RIDA: variants seen among roughly 807,000 people sequenced by gnomAD.
RIDA encodes 2-iminobutanoate/2-iminopropanoate deaminase.
In RIDA, 17 loss-of-function variants were observed where a neutral mutation model predicts 17.8. That is an observed-to-expected ratio of 0.96 (90% confidence interval 0.65 to 1.43). RIDA has a LOEUF of 1.43. Ranked by LOEUF, RIDA falls within the 40% of genes most tolerant of loss-of-function variation. The probability of loss-of-function intolerance (pLI) is 0.00; values close to 1 mark genes in which losing one functional copy is unlikely to be tolerated. For missense variants in RIDA, 158 were observed against 161.7 expected (o/e 0.98, Z 0.12); for synonymous variants, 48 against 55.7 (o/e 0.86, Z 0.62).
intron 5 of RIDA, among the ~76,000 whole-genome samples, chr8:98,103,562 CACAA>C (rs373636436): frequency 2.6e-3 from 398 of 152,250 alleles, no homozygotes; most frequent in African/African-American, 9.2e-3. Flanking sequence ...CTGCAGAACT[CACAA>C]ACAAACCTGG....
chr8:98,112,195 A>AACACACACACACACACACACACAC lies in RIDA; in HGVS notation c.66-3468_66-3445dup, dbSNP rs56178607. 4.2e-3 allele frequency among the ~76,000 whole-genome samples: 626 copies of AACACACACACACACACACACACAC among 148,034 alleles called. 9 individuals are homozygous for AACACACACACACACACACACACAC. Among genetic ancestry groups the AACACACACACACACACACACACAC allele is most frequent in the African/African-American group, 0.015 (585 of 39,816 alleles). ...TGTTATCATAAATAAAACTATACTA[A>AACACACACACACACACACACACAC]ACACACACACACACACACACACACA... On this transcript the variant is annotated intron_variant, in intron 1 of 5. Transcript: ENST00000254878.
At position 98,105,763 on chromosome 8, in the gene RIDA, A is replaced by C. The variant is rs541265729; in HGVS notation, c.295+175T>G. Among the ~76,000 whole-genome samples the C allele has an allele frequency of 1.9e-4, 29 of 152,266 alleles. No homozygotes were observed. In the South Asian group the frequency reaches 6.0e-3, roughly 32 times the overall value. Reference sequence around the variant, plus strand: ...GGGAATGCAATAGAAATGTCTTAGAACTTTTTCATGGGGGGTATACAACAT... The same window carrying C: ...GGGAATGCAATAGAAATGTCTTAGACCTTTTTCATGGGGGGTATACAACAT... On this transcript the variant is annotated intron_variant, in intron 4 of 5. Transcript: ENST00000254878.
chr8:98,115,979 GA>G (rs1177561003), intron 1 of RIDA, among the ~76,000 whole-genome samples: 5 of 152,102 alleles, frequency 3.3e-5, no homozygotes, highest in Non-Finnish European at 5.9e-5. Context: ...CTTGAATTAT[GA>G]AAACTTTCTC....
chr8:98,109,072 TAGTCCC>T (rs1815678108), intron 1 of RIDA, among the ~76,000 whole-genome samples: 1 of 152,038 alleles, frequency 6.6e-6, no homozygotes, highest in Non-Finnish European at 1.5e-5. Flanking sequence ...CGCACACCCG[TAGTCCC>T]AGCTACTCAG....
At chr8:98,108,556 A>G (rs1815666474) in intron 2 of RIDA, 90 bp downstream of exon 2, 1 of 827,122 alleles carries the variant, frequency 1.2e-6, no homozygotes, top group East Asian at 2.5e-5. Flanking sequence ...GTTAATCTCT[A>G]TAAAACAAAT....
chr8:98,102,983 A>G, intron 5 of RIDA, 79 bp from the exon 6 acceptor site: 1 of 911,196 alleles, frequency 1.1e-6, no homozygotes, highest in Non-Finnish European at 1.8e-6. Flanking sequence ...AAAACATGCA[A>G]CCAACAGCAA....
chr8:98,105,042 T>C (rs1335185303), intron 4 of RIDA, among the ~76,000 whole-genome samples: 1 of 148,344 alleles, frequency 6.7e-6, no homozygotes, highest in African/African-American at 2.5e-5. Context: ...AGGCTCACTA[T>C]CAGATTTGTT....
At chr8:98,114,173 C>A (rs1055792518) in intron 1 of RIDA, among the ~76,000 whole-genome samples, 1 of 118,350 alleles carries the variant, frequency 8.4e-6, no homozygotes, top group East Asian at 2.4e-4. Flanking sequence ...GGTGACACAG[C>A]GAAACACTGT....
chr8:98,114,786 T>C (rs944911295), intron 1 of RIDA, among the ~76,000 whole-genome samples: 1 of 152,122 alleles, frequency 6.6e-6, no homozygotes, highest in Non-Finnish European at 1.5e-5. Flanking sequence ...AAAACAAAAA[T>C]TCAAATCCAA....
intron 1 of RIDA, among the ~76,000 whole-genome samples, chr8:98,110,314 G>A (rs1261572886): frequency 1.3e-5 from 2 of 152,202 alleles, no homozygotes; most frequent in Admixed American, 6.5e-5. Context: ...CCAGGCTGGA[G>A]TGCAGTGGCA....
chr8:98,116,539 C>A (rs370558129), intron 1 of RIDA, among the ~76,000 whole-genome samples: 3 of 151,212 alleles, frequency 2.0e-5, no homozygotes, highest in African/African-American at 7.3e-5. Context: ...TGTCAGGGGC[C>A]GGGGGAGAGG....
intron 4 of RIDA, among the ~76,000 whole-genome samples, chr8:98,105,524 T>C (rs1047768107): frequency 6.6e-6 from 1 of 152,216 alleles, no homozygotes; most frequent in Non-Finnish European, 1.5e-5. Context: ...ATTATCTCCA[T>C]TTTGCATATG....
At chr8:98,116,932 C>T in intron 1 of RIDA, 100 bp downstream of exon 1, 4 of 955,334 alleles carry the variant, frequency 4.2e-6, no homozygotes, top group African/African-American at 1.6e-5. Context: ...GGCTCAATTT[C>T]CTTGCGTGTT....
intron 1 of RIDA, among the ~76,000 whole-genome samples, chr8:98,115,446 T>G (rs927876995): frequency 7.2e-6 from 1 of 139,194 alleles, no homozygotes; most frequent in African/African-American, 2.7e-5. Flanking sequence ...TGAGTAAGCA[T>G]CAGTAAATGT....
intron 1 of RIDA, among the ~76,000 whole-genome samples, chr8:98,109,798 G>C (rs1289294761): frequency 6.6e-6 from 1 of 151,988 alleles, no homozygotes; most frequent in East Asian, 1.9e-4. Context: ...TTTATTTTTT[G>C]TAGAGATGAG....
chr8:98,107,810 C>T (rs1278912854), intron 2 of RIDA, among the ~76,000 whole-genome samples: 1 of 150,492 alleles, frequency 6.6e-6, no homozygotes, highest in Non-Finnish European at 1.5e-5. Context: ...TGCTCTGTTG[C>T]CCAGGCTAGA....
At position 98,108,707 on chromosome 8, in the gene RIDA, ATCTG is replaced by A. The variant is rs776770726; in HGVS notation, c.106_109del (p.Gln36Ter). 1 of 1,613,696 alleles carries A rather than the reference ATCTG, an allele frequency of 6.2e-7. No homozygotes were observed. The highest frequency in any genetic ancestry group is 8.5e-7 in the Non-Finnish European group (1 of 1,179,742). ...CTGTCCACTTGAAGGGTCCATGCCT[ATCTG>A]TCCTGAAATGTAAATGGTCCTGTCG... On this transcript the variant is annotated frameshift_variant, in exon 2 of 6. Transcript: ENST00000254878. LOFTEE classifies it high-confidence loss of function.
At chr8:98,111,562 C>T (rs966197954) in intron 1 of RIDA, among the ~76,000 whole-genome samples, 4 of 149,768 alleles carry the variant, frequency 2.7e-5, no homozygotes, top group African/African-American at 7.4e-5. Context: ...GCCAAGATCA[C>T]GTTACTGTAC....
rs751892114 is a variant in RIDA, at chr8:98,104,491, T to C, written c.349A>G (p.Lys117Glu). The part of the protein sequence containing the change: ...RAAYQVAALP[K>E]GSRIEIEAVA... ...TTAGTCATTTAAAGTGTACTTACTT[T>C]GGGTAAAGCAGCAACTTGGTAAGCA... is the stretch of plus-strand genomic sequence containing the variant. Residue 117 changes from lysine to glutamate, a missense_variant and splice_region_variant, in exon 5 of 6, where the codon AAA becomes GAA. Physicochemically the swap from Lys to Glu is moderately conservative, Grantham distance 56. Transcript: ENST00000254878. The C allele has an allele frequency of 1.5e-5, 24 of 1,564,636 alleles. No homozygotes were observed. The South Asian group carries it at 2.6e-4, about 17-fold the overall frequency.
Sources: gnomAD v4.1 joint callset for allele counts (sites outside exome capture counted in the v4.1 genomes callset) on GRCh38, gnomAD v4.1.1 for gene constraint, MANE v1.5 for transcripts, NCBI Gene and HGNC (gene_info 2026-07-23, HGNC 2026-07-21) for gene names.